Variants in EIF2B4 observed in about 807,000 individuals in gnomAD.
The protein encoded by EIF2B4 is translation initiation factor eIF2B subunit delta.
A neutral mutation model predicts 66.7 loss-of-function variants in EIF2B4; 34 were observed. That is an observed-to-expected ratio of 0.51 (90% CI 0.39 to 0.68). The LOEUF (loss-of-function observed/expected upper bound fraction) is 0.68. Among genes scored for constraint, EIF2B4 ranks in the 30% least tolerant of loss-of-function variants. The pLI is 0.00. For synonymous variants in EIF2B4, 278 were observed against 253.6 expected (o/e 1.10, Z -0.92); for missense variants, 618 against 657.9 (o/e 0.94, Z 0.66).
intron 2 of EIF2B4, 31 bp downstream of exon 2, chr2:27,369,845 G>A: frequency 6.4e-7 from 1 of 1,559,790 alleles, no homozygotes; most frequent in Non-Finnish European, 8.7e-7. Flanking sequence ...GTAGCGCTTG[G>A]CAGGCGGCTT....
Position 27,367,154 on chromosome 2 carries a change from C to T in EIF2B4, c.933G>A (p.Lys311=), listed in dbSNP as rs761908506. 1.9e-6 allele frequency: 3 copies of T among 1,614,234 alleles called. No individual in the cohort carries two copies. In the East Asian group the frequency reaches 6.7e-5, roughly 36 times the overall value. ...RAAIDRYVQE[K]IVLAAQAISR... ...AAATTGCCTGAGCTGCTAGCACAAT[C>T]TTCTCTTGCACATACCGATCAATGG... Residue 311 remains lysine (K), a synonymous_variant, in exon 10 of 13, where the codon AAG becomes AAA. Transcript: ENST00000347454.
At chr2:27,369,853 C>T (rs965583958) in intron 2 of EIF2B4, 23 bp downstream of exon 2, 1 of 1,565,472 alleles carries the variant, frequency 6.4e-7, no homozygotes, top group Non-Finnish European at 8.7e-7. Flanking sequence ...TGGCAGGCGG[C>T]TTGGGAGGGA....
Position 27,364,813 on chromosome 2 carries a change from A to G in EIF2B4, c.1277T>C (p.Val426Ala), listed in dbSNP as rs369616643. The G allele has an allele frequency of 2.5e-6, 4 of 1,614,062 alleles. No homozygotes were observed. The African/African-American group carries it at 5.3e-5, about 22-fold the overall frequency. ...CACTGGTACATTATGGGCTCGAGCC[A>G]CCAGGGCTAACTGTGCTGTCCCTAC... is the stretch of plus-strand genomic sequence containing the variant. ...SRVGTAQLAL[V>A]ARAHNVPVLV... is the part of the protein sequence containing the mutation. Residue 426 changes from valine (V) to alanine (A), a missense_variant, in exon 12 of 13, where the codon GTG (valine) becomes GCG (alanine). Physicochemically the swap from Val to Ala is moderately conservative, Grantham distance 64. Around this residue, in one of 4 missense-constraint regions of EIF2B4, gnomAD observed 36 missense variants for 65.5 expected, o/e 0.55. Coordinates refer to ENST00000347454, the MANE Select transcript of EIF2B4 (RefSeq NM_001034116.2).
intron 5 of EIF2B4, 70 bp downstream of exon 5, chr2:27,368,584 C>A: frequency 6.3e-7 from 1 of 1,595,504 alleles, no homozygotes; most frequent in South Asian, 1.1e-5. Context: ...CACTTTGCAC[C>A]CAGCACCTTT....
At chr2:27,370,128 T>A in intron 1 of EIF2B4, 156 bp downstream of exon 1, 1 of 1,523,254 alleles carries the variant, frequency 6.6e-7, no homozygotes, top group Non-Finnish European at 8.8e-7. Flanking sequence ...AACCAGCCGG[T>A]GCGCGGCGCG....
chr2:27,369,961 C>A, intron 1 of EIF2B4, 42 bp from the exon 2 acceptor site: 1 of 1,558,026 alleles, frequency 6.4e-7, no homozygotes, highest in East Asian at 2.4e-5. Context: ...AGAGAGACTC[C>A]GGGAGGGTTT....
At chr2:27,368,950 C>A in intron 4 of EIF2B4, 56 bp downstream of exon 4, 1 of 1,606,420 alleles carries the variant, frequency 6.2e-7, no homozygotes, top group East Asian at 2.2e-5. Flanking sequence ...TATTGGGCAG[C>A]CTGAGCTGGC....
Position 27,364,561 on chromosome 2 carries a change from C to G in EIF2B4, c.1411G>C (p.Val471Leu). The G allele has an allele frequency of 6.2e-7, 1 of 1,614,236 alleles. No homozygotes were observed. Residue 471 changes from valine (V) to leucine (L), a missense_variant, in exon 13 of 13, where the codon GTT becomes CTT. This residue lies in a region of EIF2B4 where 63 missense variants were observed against 47.5 expected (regional missense o/e 1.33). Transcript: ENST00000347454. ...DDLQCKRGEH[V>L]ALANWQNHAS... ...TGGTTCTGCCAGTTAGCCAGCGCAA[C>G]ATGTTCTCCCCGCTTACATTGCAGA...
At chr2:27,369,343 CCCTT>C (rs1682155475) in intron 3 of EIF2B4, 67 bp downstream of exon 3, 2 of 1,591,060 alleles carry the variant, frequency 1.3e-6, no homozygotes, top group East Asian at 2.2e-5. Flanking sequence ...TCCTGTCTCT[CCCTT>C]ATCTCTCCCA....
chr2:27,366,998 C>T (rs1681913001), intron 10 of EIF2B4, 62 bp from the exon 11 acceptor site: 3 of 1,613,838 alleles, frequency 1.9e-6, no homozygotes, highest in East Asian at 2.2e-5. Flanking sequence ...TAACTTATTC[C>T]CAAAGGCAAG....
Position 27,368,385 on chromosome 2 carries a change from T to C in EIF2B4, c.577A>G (p.Thr193Ala). 6.2e-7 allele frequency: 1 copy of C among 1,613,614 alleles called. No homozygotes were observed. The highest frequency in any genetic ancestry group is 8.5e-7 in the Non-Finnish European group (1 of 1,179,534). The change falls in exon 6 of 13, where the codon ACC becomes GCC. Residue 193 changes from threonine (T) to alanine (A), a missense_variant. Transcript: ENST00000347454. Reference sequence around the variant, plus strand: ...ATAGGATCCTACCTCATAAACTGGGTCAGAGAGTTTTGTCTGCTGTACTGG... The same window carrying C: ...ATAGGATCCTACCTCATAAACTGGGCCAGAGAGTTTTGTCTGCTGTACTGG... ...LPQYSRQNSL[T>A]QFMSIPSSVI...
Position 27,364,841 on chromosome 2 carries a change from G to A in EIF2B4, c.1249C>T (p.Arg417Trp), listed in dbSNP as rs759071387. The A allele has an allele frequency of 4.3e-6, 7 of 1,614,122 alleles. No homozygotes were observed. Among genetic ancestry groups the A allele is most frequent in the Admixed American group, 3.3e-5 (2 of 60,008 alleles). ...ALLANGSVMS[R>W]VGTAQLALVA... ...AGGGCTAACTGTGCTGTCCCTACCC[G>A]TGACATCACAGACCCGTTGGCCAAG... Residue 417 changes from arginine to tryptophan, a missense_variant, in exon 12 of 13, where the codon CGG becomes TGG. By Grantham distance (101) the Arg-to-Trp change is moderately radical (BLOSUM62 -3). Transcript: ENST00000347454.
rs140316698 is a variant in EIF2B4, at chr2:27,369,387, G to A, written c.211+27C>T. ...ATCCCTCTACCAGCTCCACACCCCAGCCCTTTAAAAGAGACCCCTCACTCA... is the reference window on the plus strand; with the variant it reads ...ATCCCTCTACCAGCTCCACACCCCAACCCTTTAAAAGAGACCCCTCACTCA... On this transcript the variant is annotated intron_variant, in intron 3 of 12. Coordinates refer to ENST00000347454, the MANE Select transcript of EIF2B4 (RefSeq NM_001034116.2). The A allele has an allele frequency of 4.5e-4, 732 of 1,613,668 alleles. 4 individuals carry two copies. Among genetic ancestry groups the A allele is most frequent in the South Asian group, 2.6e-3 (238 of 91,056 alleles).
intron 11 of EIF2B4, chr2:27,366,142 A>T (rs1331314702): frequency 3.6e-5 from 1 of 28,004 alleles, no homozygotes; most frequent in Non-Finnish European, 5.9e-5. Context: ...GCACTCAAGC[A>T]GTCCTCTCAC....
intron 11 of EIF2B4, chr2:27,366,037 GGTGTGTGTGT>G (rs141604697): frequency 1.4e-5 from 2 of 146,692 alleles, no homozygotes; most frequent in African/African-American, 2.5e-5. Flanking sequence ...ACCATGCCCG[GGTGTGTGTGT>G]GTGTGTGTGT....
chr2:27,364,965 C>A, intron 11 of EIF2B4, 67 bp from the exon 12 acceptor site: 1 of 1,504,616 alleles, frequency 6.6e-7, no homozygotes, highest in Non-Finnish European at 9.1e-7. Flanking sequence ...AGGTCCCCTA[C>A]TTACAGGACA....
intron 6 of EIF2B4, 96 bp from the exon 7 acceptor site, chr2:27,368,235 T>C: frequency 3.1e-6 from 4 of 1,302,508 alleles, no homozygotes; most frequent in Non-Finnish European, 4.4e-6. Flanking sequence ...ACTAGCAGAT[T>C]TCCCCACTCC....
intron 5 of EIF2B4, 27 bp downstream of exon 5, chr2:27,368,627 T>TAAA: frequency 1.3e-5 from 21 of 1,613,762 alleles, no homozygotes; most frequent in Non-Finnish European, 1.8e-5. Context: ...AGGCTCTTTC[T>TAAA]AGCCAGGCAC....
rs764607200 is a variant in EIF2B4 at position 27,370,295 on chromosome 2, G to A, written c.20C>T (p.Ala7Val). The A allele has an allele frequency of 3.2e-6, 5 of 1,546,640 alleles. No individual in the cohort carries two copies. The highest frequency in any genetic ancestry group is 1.4e-5 in the African/African-American group (1 of 73,310). The change falls in exon 1 of 13, where the codon GCT becomes GTT. Residue 7 changes from alanine to valine, a missense_variant. This residue lies in a region of EIF2B4 where 506 missense variants were observed against 511.9 expected (regional missense o/e 0.99). Coordinates refer to ENST00000347454, the MANE Select transcript of EIF2B4 (RefSeq NM_001034116.2). ...GGCTCTTCACTCACCCTCGCGAACA[G>A]CCACGGCCACAGCAGCCATCGCCCT... MAAVAV[A>V]VREDSGSGMK...
Sources: allele counts gnomAD v4.1 joint callset, GRCh38; gene constraint gnomAD v4.1.1; regional missense constraint gnomAD v4.1.1; transcripts MANE v1.5; gene names NCBI Gene and HGNC (gene_info 2026-07-23, HGNC 2026-07-21).